PTH2R: variants seen among roughly 807,000 people sequenced by gnomAD.
PTH2R encodes the protein PTH2 receptor.
Under a neutral mutation model 60.3 loss-of-function variants are expected in PTH2R, and 59 were observed. The observed-to-expected ratio is 0.98, with a 90% CI of 0.79 to 1.22. The LOEUF is 1.22. PTH2R is among the 50% of genes most tolerant of loss of function. The pLI, the probability that PTH2R is intolerant of heterozygous loss-of-function variation, is 0.00. For synonymous variants in PTH2R, 256 were observed against 243.8 expected, an observed-to-expected ratio of 1.05 and a Z score of -0.47; for missense variants, 749 against 682.6, an observed-to-expected ratio of 1.10 and a Z score of -1.08.
At chr2:208,428,392 A>C in intron 2 of PTH2R, 89 bp downstream of exon 2, 1 of 895,056 alleles carries the variant, frequency 1.1e-6, no homozygotes, top group Non-Finnish European at 1.8e-6. Context: ...AGTGTTAGGG[A>C]GATCCTTATC....
intron 11 of PTH2R, among the ~76,000 whole-genome samples, chr2:208,490,311 A>T (rs538965035): frequency 1.3e-5 from 2 of 152,232 alleles, no homozygotes; most frequent in South Asian, 4.1e-4. Context: ...TTTACAGCTT[A>T]TAACTTCCTC....
chr2:208,439,549 A>G (rs1702142386), intron 4 of PTH2R, among the ~76,000 whole-genome samples: 1 of 152,008 alleles, frequency 6.6e-6, no homozygotes, highest in East Asian at 1.9e-4. Context: ...AAAAACTAAA[A>G]AAGTGTAAAT....
chr2:208,457,672 G>A (rs972791245), intron 8 of PTH2R, among the ~76,000 whole-genome samples: 2 of 152,194 alleles, frequency 1.3e-5, no homozygotes, highest in African/African-American at 4.8e-5. Context: ...AATAAAAGGT[G>A]TTATCTGTAA....
At chr2:208,387,778 G>T (rs1460406884) in intron 1 of PTH2R, among the ~76,000 whole-genome samples, 2 of 152,186 alleles carry the variant, frequency 1.3e-5, no homozygotes, top group African/African-American at 4.8e-5. Context: ...AGACCTGTAT[G>T]TCTCACTCAC....
chr2:208,493,413 A>G lies in PTH2R; in HGVS notation c.1407A>G (p.Thr469=), dbSNP rs1204925804. 6.2e-6 allele frequency: 10 copies of G among 1,610,848 alleles called. No homozygotes were observed. Among genetic ancestry groups the G allele is most frequent in the Non-Finnish European group, 8.5e-6 (10 of 1,177,838 alleles). ...TSSQSQVAAS[T]RMVLISGKAA... ...GCCAGTCACAGGTGGCGGCCAGCAC[A>G]CGCATGGTGCTTATCTCTGGCAAAG... Residue 469 remains threonine, a synonymous_variant, in exon 13 of 13, where the codon ACA becomes ACG. Coordinates refer to ENST00000272847, the MANE Select transcript of PTH2R (RefSeq NM_005048.4).
At chr2:208,448,708 CTTAAT>C (rs1559223443) in intron 7 of PTH2R, among the ~76,000 whole-genome samples, 1 of 149,714 alleles carries the variant, frequency 6.7e-6, no homozygotes. Context: ...ATTAAATTTA[CTTAAT>C]TTAACATTTA....
chr2:208,394,440 C>A (rs1701166793), intron 1 of PTH2R, among the ~76,000 whole-genome samples: 1 of 152,206 alleles, frequency 6.6e-6, no homozygotes, highest in Admixed American at 6.5e-5. Flanking sequence ...GGGGGTGTCC[C>A]CCCCACCAAT....
At chr2:208,488,671 G>T (rs1703327497) in intron 10 of PTH2R, among the ~76,000 whole-genome samples, 1 of 151,620 alleles carries the variant, frequency 6.6e-6, no homozygotes, top group Admixed American at 6.6e-5. Flanking sequence ...ATAGAGAAAG[G>T]TCAGCCCAAG....
chr2:208,365,953 TATATATA>T (rs1319101658), intron 1 of PTH2R, among the ~76,000 whole-genome samples: 83 of 21,220 alleles, frequency 3.9e-3, no homozygotes, highest in East Asian at 8.6e-3. Context: ...TATATATATA[TATATATA>T]TTTTTTTTTT....
rs1702401815 is a variant in PTH2R at position 208,451,195 on chromosome 2, A to C, written c.914+386A>C. On this transcript the variant is annotated intron_variant, in intron 8 of 12. Coordinates refer to ENST00000272847, the MANE Select transcript of PTH2R (RefSeq NM_005048.4). ...CATACTCTCTCTCTCTCTCTCTGCC[A>C]CATCAACTTTTCCTGAGGATGGTGT... Among the ~76,000 whole-genome samples the C allele has an allele frequency of 2.0e-5, 3 of 152,158 alleles. No homozygotes were observed. In the South Asian group the frequency reaches 6.2e-4, roughly 32 times the overall value.
intron 9 of PTH2R, among the ~76,000 whole-genome samples, chr2:208,463,982 G>T (rs1416506164): frequency 6.6e-6 from 1 of 152,136 alleles, no homozygotes; most frequent in Non-Finnish European, 1.5e-5. Flanking sequence ...TTTTTTAAAA[G>T]GCTATAACGT....
intron 9 of PTH2R, among the ~76,000 whole-genome samples, chr2:208,471,109 G>T (rs1381926706): frequency 6.6e-6 from 1 of 152,180 alleles, no homozygotes; most frequent in East Asian, 1.9e-4. Flanking sequence ...TGACTTGGGT[G>T]CTGTTAAAGG....
upstream of PTH2R, among the ~76,000 whole-genome samples, chr2:208,404,500 G>A (rs778498063): frequency 5.7e-4 from 87 of 152,236 alleles, no homozygotes; most frequent in Non-Finnish European, 1.3e-4. Context: ...GAATGTAATA[G>A]TGTATATGAA....
rs553191050 is a variant in PTH2R at position 208,444,955 on chromosome 2, T to C, written c.853+68T>C. ...ATTTGATGACATTCTGTCATGCCCATCATTAGCATCCCTACAGCCATTTTC... is the reference window on the plus strand; with the variant it reads ...ATTTGATGACATTCTGTCATGCCCACCATTAGCATCCCTACAGCCATTTTC... On this transcript the variant is annotated intron_variant, in intron 7 of 12. Transcript: ENST00000272847. 73 of 1,464,272 alleles carry C rather than the reference T, an allele frequency of 5.0e-5. 1 individual carries two copies. In the South Asian group the frequency reaches 5.0e-4, roughly 10 times the overall value. 90.7% of individuals were successfully genotyped at this position (1,464,272 alleles called of 1,614,324 possible). A position where few individuals can be genotyped will look rare whatever the true frequency, so the allele number is the denominator to read the frequency against.
rs377714091 is a variant in PTH2R at position 208,379,872 on chromosome 2, AAGAG to A, written c.-259+19643_-259+19646del. 1.5e-3 allele frequency among the ~76,000 whole-genome samples: 232 copies of A among 151,900 alleles called. 2 individuals are homozygous for A. The highest frequency in any genetic ancestry group is 6.8e-3 in the Middle Eastern group (2 of 294). On this transcript the variant is annotated intron_variant, in intron 1 of 12. Transcript: ENST00000617735. ...GAGACTCTGTCTTGAAAAAAAAAAA[AAGAG>A]AGAGAGACCGTTTGTGAAGGTGTGT...
intron 1 of PTH2R, among the ~76,000 whole-genome samples, chr2:208,386,838 A>C (rs2125879726): frequency 6.6e-6 from 1 of 152,284 alleles, no homozygotes; most frequent in South Asian, 2.1e-4. Context: ...TTACCTCCTA[A>C]TGCCACCATC....
intron 1 of PTH2R, among the ~76,000 whole-genome samples, chr2:208,365,968 T>A (rs1308062372): frequency 2.4e-3 from 138 of 56,660 alleles, no homozygotes; most frequent in African/African-American, 3.2e-3. Flanking sequence ...ATATTTTTTT[T>A]TTTTTTTTTT....
intron 7 of PTH2R, among the ~76,000 whole-genome samples, chr2:208,445,606 CAATTGCTATTTTAATATTTA>C (rs1702273004): frequency 6.6e-6 from 1 of 152,106 alleles, no homozygotes; most frequent in African/African-American, 2.4e-5. Flanking sequence ...TTGCAGATCT[CAATTGCTATTTTAATATTTA>C]AATTAGGAGG....
At chr2:208,465,516 T>C in intron 9 of PTH2R, among the ~76,000 whole-genome samples, 1 of 143,332 alleles carries the variant, frequency 7.0e-6, no homozygotes, top group Admixed American at 7.1e-5. Context: ...GATTCTCCTG[T>C]CTCAGACTCC....
Sources: gnomAD v4.1 joint callset for allele counts (sites outside exome capture counted in the v4.1 genomes callset) on GRCh38, gnomAD v4.1.1 for gene constraint, MANE v1.5 for transcripts, NCBI Gene and HGNC (gene_info 2026-07-23, HGNC 2026-07-21) for gene names.